The following CTNND2 variants were observed in gnomAD, a reference collection of about 807,000 sequenced individuals.
The protein encoded by CTNND2 is catenin delta-2.
In CTNND2, 22 loss-of-function variants were observed where a neutral mutation model predicts 144.4. That is an observed-to-expected ratio of 0.15 (90% CI 0.11 to 0.22). CTNND2 has a LOEUF of 0.22. CTNND2 is among the 10% of genes least tolerant of loss of function. The probability of loss-of-function intolerance (pLI) is 1.00; values close to 1 mark genes in which losing one functional copy is unlikely to be tolerated. For synonymous variants in CTNND2, 751 were observed against 695.6 expected, an observed-to-expected ratio of 1.08 and a Z score of -1.25; for missense variants, 1,353 against 1,618.8, an observed-to-expected ratio of 0.84 and a Z score of 2.82.
At chr5:11,864,770 CCGTCAGTG>C (rs1393865298) in intron 1 of CTNND2, among the ~76,000 whole-genome samples, 1 of 152,178 alleles carries the variant, frequency 6.6e-6, no homozygotes, top group African/African-American at 2.4e-5. Context: ...AAAATGCCTC[CCGTCAGTG>C]CTCAGTGTCC....
intron 9 of CTNND2, among the ~76,000 whole-genome samples, chr5:11,264,294 TGTAA>T (rs755320092): frequency 6.6e-6 from 1 of 152,284 alleles, no homozygotes; most frequent in Non-Finnish European, 1.5e-5. Context: ...TCTTTGCAGA[TGTAA>T]GTAAGTTATG....
At chr5:11,653,415 T>C (rs779360563) in intron 2 of CTNND2, among the ~76,000 whole-genome samples, 2 of 152,098 alleles carry the variant, frequency 1.3e-5, no homozygotes, top group Non-Finnish European at 2.9e-5. Context: ...TTGGCTTTTT[T>C]ATAACAGCAA....
chr5:11,166,597 G>C (rs1759360968), intron 11 of CTNND2, among the ~76,000 whole-genome samples: 1 of 151,662 alleles, frequency 6.6e-6, no homozygotes, highest in Admixed American at 6.6e-5. Flanking sequence ...GTTGATGGTG[G>C]GAGTGGGAGG....
At chr5:11,577,918 T>C (rs144865424) in intron 2 of CTNND2, among the ~76,000 whole-genome samples, 101 of 152,368 alleles carry the variant, frequency 6.6e-4, no homozygotes, top group Middle Eastern at 3.4e-3. Flanking sequence ...TATATTGCAC[T>C]GCAAGGATGT....
At chr5:11,716,430 G>GA (rs1472579137) in intron 2 of CTNND2, among the ~76,000 whole-genome samples, 3 of 152,138 alleles carry the variant, frequency 2.0e-5, no homozygotes, top group Non-Finnish European at 4.4e-5. Flanking sequence ...CCATGAATAA[G>GA]AGAGATTATT....
At chr5:11,420,501 C>T (rs1025271236) in intron 3 of CTNND2, among the ~76,000 whole-genome samples, 3 of 152,138 alleles carry the variant, frequency 2.0e-5, no homozygotes, top group Non-Finnish European at 4.4e-5. Context: ...ATAAAATGCC[C>T]TTAGCCTCAA....
intron 3 of CTNND2, among the ~76,000 whole-genome samples, chr5:11,554,074 T>C (rs1046767642): frequency 1.1e-4 from 16 of 152,186 alleles, no homozygotes; most frequent in Admixed American, 1.0e-3. Context: ...TCAAATAAAT[T>C]TAGAACTATT....
intron 3 of CTNND2, among the ~76,000 whole-genome samples, chr5:11,555,752 C>A (rs888870685): frequency 6.6e-6 from 1 of 151,638 alleles, no homozygotes; most frequent in Non-Finnish European, 1.5e-5. Flanking sequence ...GGGGTTATGA[C>A]AAGAAGAACA....
intron 14 of CTNND2, among the ~76,000 whole-genome samples, chr5:11,108,346 T>A (rs1228864634): frequency 6.6e-6 from 1 of 152,150 alleles, no homozygotes; most frequent in Non-Finnish European, 1.5e-5. Flanking sequence ...GGCATTGAAG[T>A]TTTACACAGA....
chr5:11,386,806 G>A (rs1426370064), intron 6 of CTNND2, among the ~76,000 whole-genome samples: 1 of 152,130 alleles, frequency 6.6e-6, no homozygotes, highest in Non-Finnish European at 1.5e-5. Flanking sequence ...GAATATTTGT[G>A]GAATGGTTCC....
At chr5:11,225,327 C>A (rs1740215262) in intron 10 of CTNND2, among the ~76,000 whole-genome samples, 1 of 152,150 alleles carries the variant, frequency 6.6e-6, no homozygotes, top group Non-Finnish European at 1.5e-5. Context: ...CCTCTACTCC[C>A]CTCTGTCTCT....
At chr5:11,419,035 GATAT>G (rs1466963053) in intron 3 of CTNND2, among the ~76,000 whole-genome samples, 1 of 129,688 alleles carries the variant, frequency 7.7e-6, no homozygotes, top group African/African-American at 2.9e-5. Flanking sequence ...TCTATATATA[GATAT>G]ATAGATAGAC....
intron 3 of CTNND2, among the ~76,000 whole-genome samples, chr5:11,487,880 T>C (rs1443157328): frequency 1.3e-5 from 2 of 152,154 alleles, no homozygotes; most frequent in Non-Finnish European, 2.9e-5. Flanking sequence ...CAGTGGCTTT[T>C]TTTTGGTCCC....
chr5:11,630,675 A>G (rs1047868723), intron 2 of CTNND2, among the ~76,000 whole-genome samples: 3 of 151,900 alleles, frequency 2.0e-5, no homozygotes, highest in African/African-American at 7.3e-5. Flanking sequence ...AAATAACCCT[A>G]CTGTCAATAA....
chr5:11,611,530 C>T (rs6875290), intron 2 of CTNND2, among the ~76,000 whole-genome samples: 2,564 of 152,156 alleles, frequency 0.017, 88 homozygotes, highest in African/African-American at 0.058. Context: ...GTAATCCTAG[C>T]GCTTTAGGAG....
chr5:11,058,251 C>T (rs1746546810), intron 16 of CTNND2, among the ~76,000 whole-genome samples: 1 of 152,210 alleles, frequency 6.6e-6, no homozygotes, highest in Non-Finnish European at 1.5e-5. Flanking sequence ...CAGCACCTCC[C>T]ACCACAGGCC....
At chr5:11,665,992 T>C (rs1033421283) in intron 2 of CTNND2, among the ~76,000 whole-genome samples, 1 of 152,198 alleles carries the variant, frequency 6.6e-6, no homozygotes, top group Admixed American at 6.5e-5. Context: ...TTTCCAAAGA[T>C]CTAAGCATGT....
intron 9 of CTNND2, among the ~76,000 whole-genome samples, chr5:11,290,558 A>T (rs1443646627): frequency 6.6e-6 from 1 of 152,202 alleles, no homozygotes; most frequent in Non-Finnish European, 1.5e-5. Flanking sequence ...ATAAACACCC[A>T]TCATTTCATG....
chr5:11,450,510 C>T (rs1042430163), intron 3 of CTNND2, among the ~76,000 whole-genome samples: 1 of 152,184 alleles, frequency 6.6e-6, no homozygotes, highest in Non-Finnish European at 1.5e-5. Flanking sequence ...AGCTTTGTCC[C>T]ACTAATACTC....
Sources: gnomAD v4.1 joint callset for allele counts (sites outside exome capture counted in the v4.1 genomes callset) on GRCh38, gnomAD v4.1.1 for gene constraint, MANE v1.5 for transcripts, NCBI Gene and HGNC (gene_info 2026-07-23, HGNC 2026-07-21) for gene names.